The following TLL2 variants were observed in gnomAD, a reference collection of about 807,000 sequenced individuals.
TLL2 encodes the protein tolloid like 2.
Under a neutral mutation model 123.0 loss-of-function variants are expected in TLL2, and 106 were observed. That is an observed-to-expected ratio of 0.86 (90% CI 0.74 to 1.01). TLL2 has a LOEUF of 1.01. Ranked by LOEUF, TLL2 falls within the 50% of genes least tolerant of loss-of-function variation. The pLI is 0.00. For synonymous variants in TLL2, 494 were observed against 516.8 expected (o/e 0.96, Z 0.60); for missense variants, 1,332 against 1,336.7 (o/e 1.00, Z 0.06).
At chr10:96,512,833 C>G (rs1005146496) in intron 1 of TLL2, among the ~76,000 whole-genome samples, 1 of 152,352 alleles carries the variant, frequency 6.6e-6, no homozygotes, top group Admixed American at 6.5e-5. Flanking sequence ...CTGCAGCGCC[C>G]GGGCGGCGAT....
In TLL2 at chr10:96,413,299, G is replaced by A. The variant is rs918632509; in HGVS notation, c.941C>T (p.Thr314Ile). 3.1e-6 allele frequency: 5 copies of A among 1,613,930 alleles called. No homozygotes were observed. The highest frequency in any genetic ancestry group is 2.2e-5 in the South Asian group (2 of 91,076). The change falls in exon 8 of 21, where the codon ACC becomes ATC. Residue 314 changes from threonine to isoleucine, a missense_variant. By Grantham distance (89) the Thr-to-Ile change is moderately conservative. Transcript: ENST00000357947. ...ATTGTCATCTTGACGGGGAAGGATG[G>A]TGTCTAAGAAAACTCCTCTACAGGA... ...NTFSRGVFLD[T>I]ILPRQDDNGV...
intron 2 of TLL2, among the ~76,000 whole-genome samples, chr10:96,468,008 G>C (rs963573044): frequency 3.3e-5 from 5 of 152,154 alleles, no homozygotes; most frequent in Non-Finnish European, 7.3e-5. Context: ...ATGGCCATGT[G>C]GGGGTGGTAC....
intron 15 of TLL2, among the ~76,000 whole-genome samples, chr10:96,385,396 C>G (rs1027735448): frequency 6.6e-6 from 1 of 152,124 alleles, no homozygotes; most frequent in African/African-American, 2.4e-5. Flanking sequence ...GGGGTGACAC[C>G]CTCATGGGCG....
At chr10:96,446,820 A>C (rs758157453) in intron 2 of TLL2, among the ~76,000 whole-genome samples, 8 of 152,240 alleles carry the variant, frequency 5.3e-5, no homozygotes, top group Non-Finnish European at 8.8e-5. Context: ...AATGTGGCCA[A>C]TCACCAAATA....
chr10:96,381,400 G>A (rs553202247), intron 16 of TLL2, among the ~76,000 whole-genome samples: 1 of 152,266 alleles, frequency 6.6e-6, no homozygotes, highest in South Asian at 2.1e-4. Flanking sequence ...CCCATCTCGT[G>A]CCCTTGGCTT....
At chr10:96,504,881 G>C (rs11188805) in intron 1 of TLL2, among the ~76,000 whole-genome samples, 14,499 of 152,136 alleles carry the variant, frequency 0.095, 745 homozygotes, top group Non-Finnish European at 0.1. Flanking sequence ...GGTGGCGGGC[G>C]CCTGTAGCGC....
intron 10 of TLL2, among the ~76,000 whole-genome samples, chr10:96,403,678 C>T (rs1051298383): frequency 9.2e-5 from 14 of 152,242 alleles, no homozygotes; most frequent in Admixed American, 2.0e-4. Context: ...GTCCCCCAGC[C>T]CGACACCCGT....
intron 4 of TLL2, among the ~76,000 whole-genome samples, chr10:96,429,778 T>C (rs1443012674): frequency 6.6e-6 from 1 of 152,224 alleles, no homozygotes. Flanking sequence ...TGGGGAATCC[T>C]TGAGCCTAAT....
chr10:96,462,092 G>A (rs1187188798), intron 2 of TLL2, among the ~76,000 whole-genome samples: 2 of 152,202 alleles, frequency 1.3e-5, no homozygotes, highest in African/African-American at 4.8e-5. Flanking sequence ...CTGCATCTGT[G>A]TGGGCCATTA....
chr10:96,443,286 A>C (rs1846866605), intron 3 of TLL2, among the ~76,000 whole-genome samples: 1 of 152,210 alleles, frequency 6.6e-6, no homozygotes, highest in Non-Finnish European at 1.5e-5. Context: ...AGAACGTAGC[A>C]GAAGTAGCAT....
At chr10:96,446,070 C>G (rs747946334) in intron 3 of TLL2, 21 bp downstream of exon 3, 1 of 1,613,334 alleles carries the variant, frequency 6.2e-7, no homozygotes, top group Non-Finnish European at 8.5e-7. Context: ...TACCCAAAGA[C>G]CTGGTGAGGG....
intron 20 of TLL2, among the ~76,000 whole-genome samples, chr10:96,369,150 C>T (rs942021201): frequency 6.6e-6 from 1 of 152,164 alleles, no homozygotes; most frequent in Non-Finnish European, 1.5e-5. Context: ...GGGCTGGTGC[C>T]CAGTATGGGC....
chr10:96,386,029 C>T lies in TLL2; in HGVS notation c.2013+26G>A, dbSNP rs371938593. On this transcript the variant is annotated intron_variant, in intron 15 of 20. Coordinates refer to ENST00000357947, the MANE Select transcript of TLL2 (RefSeq NM_012465.4). ...CTGAGTCACCCCTCAATACAGTCCC[C>T]AATCAATTAGAGCATGGAGACATAC... 7 of 1,552,296 alleles carry T rather than the reference C, an allele frequency of 4.5e-6. No individual in the cohort carries two copies. In the African/African-American group the frequency reaches 9.6e-5, roughly 21 times the overall value.
intron 2 of TLL2, among the ~76,000 whole-genome samples, chr10:96,453,380 C>T (rs1473535316): frequency 1.3e-5 from 2 of 152,078 alleles, no homozygotes; most frequent in Non-Finnish European, 2.9e-5. Context: ...CATTTGAGCC[C>T]AGGAGGTGGA....
At chr10:96,455,748 A>C (rs1279240542) in intron 2 of TLL2, among the ~76,000 whole-genome samples, 1 of 152,246 alleles carries the variant, frequency 6.6e-6, no homozygotes, top group Non-Finnish European at 1.5e-5. Flanking sequence ...AAGAATGGGC[A>C]ACCAGCAGCC....
intron 6 of TLL2, 71 bp downstream of exon 6, chr10:96,422,477 TC>T: frequency 1.3e-6 from 2 of 1,565,792 alleles, no homozygotes; most frequent in Non-Finnish European, 1.7e-6. Flanking sequence ...GTCCCCTCCT[TC>T]CCTCCCTCCT....
rs1846032700 is a variant in TLL2 at position 96,366,764 on chromosome 10, A to T, written c.*1324T>A. 6.6e-6 allele frequency: 1 copy of T among 152,632 alleles called. No homozygotes were observed. The highest frequency in any genetic ancestry group is 6.5e-5 in the Admixed American group (1 of 15,282). The allele number at this position is 152,632 out of a possible 1,614,324, so 9.5% of individuals were successfully genotyped here. On this transcript the variant is annotated 3_prime_UTR_variant, in exon 21 of 21. Coordinates refer to ENST00000357947, the MANE Select transcript of TLL2 (RefSeq NM_012465.4). ...CAACAACCAAACAGGACTTACAGTT[A>T]TGTAAACATTATTTAAAAATTATTC...
At chr10:96,445,521 C>G (rs1336242374) in intron 3 of TLL2, among the ~76,000 whole-genome samples, 2 of 152,194 alleles carry the variant, frequency 1.3e-5, no homozygotes, top group African/African-American at 4.8e-5. Context: ...ACCATGGAGT[C>G]TCTAGTCTAC....
intron 2 of TLL2, among the ~76,000 whole-genome samples, chr10:96,447,226 G>C (rs1428103218): frequency 6.6e-6 from 1 of 152,264 alleles, no homozygotes; most frequent in Non-Finnish European, 1.5e-5. Flanking sequence ...CAGTGGGCAA[G>C]TGGGAACAGG....
Sources: gnomAD v4.1 joint callset for allele counts (sites outside exome capture counted in the v4.1 genomes callset) on GRCh38, gnomAD v4.1.1 for gene constraint, MANE v1.5 for transcripts, NCBI Gene and HGNC (gene_info 2026-07-23, HGNC 2026-07-21) for gene names.